Variants in GTF2I observed in about 807,000 individuals in gnomAD.
GTF2I encodes the protein general transcription factor II-I.
A neutral mutation model predicts 67.6 loss-of-function variants in GTF2I; 12 were observed. That is an observed-to-expected ratio of 0.18 (90% CI 0.11 to 0.29). GTF2I has a LOEUF of 0.29. Ranked by LOEUF, GTF2I falls within the 10% of genes least tolerant of loss-of-function variation. The pLI is 1.00. For missense variants in GTF2I, 271 were observed against 580.1 expected (o/e 0.47, Z 5.47); for synonymous variants, 149 against 197.0 (o/e 0.76, Z 2.04).
intron 26 of GTF2I, among the ~76,000 whole-genome samples, chr7:74,750,335 T>G (rs1795734567): frequency 2.0e-5 from 2 of 101,958 alleles, no homozygotes; most frequent in South Asian, 4.0e-4. Context: ...TCTCAGCTAC[T>G]CAGGGAGGCT....
At chr7:74,660,690 C>G (rs372077471) in intron 1 of GTF2I, among the ~76,000 whole-genome samples, 2 of 135,754 alleles carry the variant, frequency 1.5e-5, no homozygotes, top group African/African-American at 5.4e-5. Context: ...GGCGCGATCT[C>G]GGCTCACTGC....
At chr7:74,691,264 T>G (rs1197686791) in intron 3 of GTF2I, among the ~76,000 whole-genome samples, 153 bp downstream of exon 3, 1 of 151,612 alleles carries the variant, frequency 6.6e-6, no homozygotes, top group Non-Finnish European at 1.5e-5. Context: ...TGGAGTGCAG[T>G]GGCACACTCT....
chr7:74,732,144 T>C (rs1446696896), intron 14 of GTF2I, among the ~76,000 whole-genome samples: 3 of 147,786 alleles, frequency 2.0e-5, no homozygotes, highest in Admixed American at 1.4e-4. Flanking sequence ...CACATATACA[T>C]ATATATATAT....
At chr7:74,670,648 C>T (rs1805368359) in intron 1 of GTF2I, among the ~76,000 whole-genome samples, 1 of 150,612 alleles carries the variant, frequency 6.6e-6, no homozygotes, top group Non-Finnish European at 1.5e-5. Context: ...TGAGACTACG[C>T]CACTGCATTC....
At chr7:74,737,761 TG>T (rs1391134187) in intron 18 of GTF2I, among the ~76,000 whole-genome samples, 1 of 147,746 alleles carries the variant, frequency 6.8e-6, no homozygotes, top group African/African-American at 2.5e-5. Flanking sequence ...GGCTGTGCTG[TG>T]GGACAGTTCA....
intron 1 of GTF2I, among the ~76,000 whole-genome samples, chr7:74,673,793 G>T (rs148084628): frequency 6.8e-6 from 1 of 146,190 alleles, no homozygotes; most frequent in Non-Finnish European, 1.5e-5. Context: ...CGATTCTCCC[G>T]CCTCAGCCTC....
intron 6 of GTF2I, among the ~76,000 whole-genome samples, chr7:74,701,568 T>G (rs1385541426): frequency 6.6e-6 from 1 of 152,138 alleles, no homozygotes; most frequent in Non-Finnish European, 1.5e-5. Flanking sequence ...CTTCCCAGGT[T>G]CAAGTGATTC....
chr7:74,721,063 T>C (rs1190420571), intron 12 of GTF2I, among the ~76,000 whole-genome samples: 1 of 152,028 alleles, frequency 6.6e-6, no homozygotes, highest in African/African-American at 2.4e-5. Context: ...GTTTTTGAGA[T>C]GGAGTTTCAC....
chr7:74,728,039 C>G (rs1794084340), intron 12 of GTF2I: 1 of 152,474 alleles, frequency 6.6e-6, no homozygotes, highest in Admixed American at 6.5e-5. Context: ...GTGGCTCACA[C>G]CTGTAATCCC....
chr7:74,723,153 T>C (rs1354851122), intron 12 of GTF2I, among the ~76,000 whole-genome samples: 2 of 150,866 alleles, frequency 1.3e-5, no homozygotes, highest in African/African-American at 4.9e-5. Context: ...AGACGGAGTT[T>C]CGCTCTGTCG....
At chr7:74,704,870 A>T in intron 6 of GTF2I, among the ~76,000 whole-genome samples, 1 of 151,490 alleles carries the variant, frequency 6.6e-6, no homozygotes, top group South Asian at 2.1e-4. Context: ...AAAAAAAAAA[A>T]AAAAAAAAAA....
At chr7:74,716,690 A>C (rs1554403687) in intron 10 of GTF2I, 2 of 489,538 alleles carry the variant, frequency 4.1e-6, no homozygotes, top group African/African-American at 3.9e-5. Context: ...TGTGTTTTCA[A>C]ATAATTTTTT....
chr7:74,691,733 T>C (rs1788325826), intron 3 of GTF2I, among the ~76,000 whole-genome samples: 2 of 152,118 alleles, frequency 1.3e-5, no homozygotes, highest in Non-Finnish European at 2.9e-5. Context: ...TAGAGAAATT[T>C]TGAATAGGTT....
rs587617965 is a variant in GTF2I at position 74,693,854 on chromosome 7, A to G, written c.238+2743A>G. 7.9e-5 allele frequency among the ~76,000 whole-genome samples: 12 copies of G among 152,276 alleles called. No individual in the cohort carries two copies. In the East Asian group the frequency reaches 2.3e-3, roughly 29 times the overall value. On this transcript the variant is annotated intron_variant, in intron 3 of 34. Coordinates refer to ENST00000573035, the MANE Select transcript of GTF2I (RefSeq NM_032999.4). Reference sequence around the variant, plus strand: ...AGCAAGACTCCGTCTCAACGAAAAAAAAAGGAAATTAGGCCAATTAATAGA... The same window carrying G: ...AGCAAGACTCCGTCTCAACGAAAAAGAAAGGAAATTAGGCCAATTAATAGA...
chr7:74,671,435 A>G (rs6460088), intron 1 of GTF2I, among the ~76,000 whole-genome samples: 1 of 151,150 alleles, frequency 6.6e-6, no homozygotes, highest in African/African-American at 2.4e-5. Context: ...CTGGCTTTTT[A>G]AAAAAGTTAA....
intron 7 of GTF2I, among the ~76,000 whole-genome samples, chr7:74,705,829 A>G (rs1395943505): frequency 1.3e-5 from 2 of 150,048 alleles, no homozygotes; most frequent in African/African-American, 4.9e-5. Context: ...CTCCCAAAGT[A>G]CTGGGATTAC....
chr7:74,698,927 TA>T (rs1554399116), intron 3 of GTF2I, 33 bp from the exon 4 acceptor site: 1 of 1,108,880 alleles, frequency 9.0e-7, no homozygotes. Flanking sequence ...ACCTTATTAT[TA>T]TTTTTTTATT....
At chr7:74,661,098 C>T (rs1252472169) in intron 1 of GTF2I, among the ~76,000 whole-genome samples, 3 of 152,174 alleles carry the variant, frequency 2.0e-5, no homozygotes, top group African/African-American at 7.2e-5. Flanking sequence ...TCTTGCTTGC[C>T]TAGCACATGA....
Position 74,732,808 on chromosome 7 carries a change from T to G in GTF2I, c.1304+146T>G, listed in dbSNP as rs1794609011. On this transcript the variant is annotated intron_variant, in intron 15 of 34. Transcript: ENST00000573035. Reference sequence around the variant, plus strand: ...TATTTTTATCTTGCACTTTTTAATTTATCTGGGTCCAGCATTGCATCAGTC... The same window carrying G: ...TATTTTTATCTTGCACTTTTTAATTGATCTGGGTCCAGCATTGCATCAGTC... 4 of 639,288 alleles carry G rather than the reference T, an allele frequency of 6.3e-6. No homozygotes were observed. The African/African-American group carries it at 7.5e-5, about 12-fold the overall frequency. The allele number at this position is 639,288 out of a possible 1,614,324, so 39.6% of individuals were successfully genotyped here. A position where few individuals can be genotyped will look rare whatever the true frequency, so the allele number is the denominator to read the frequency against.
Sources: gnomAD v4.1 joint callset for allele counts (sites outside exome capture counted in the v4.1 genomes callset) on GRCh38, gnomAD v4.1.1 for gene constraint, MANE v1.5 for transcripts, NCBI Gene and HGNC (gene_info 2026-07-23, HGNC 2026-07-21) for gene names.